The following WDR1 variants were observed in gnomAD, a reference collection of about 807,000 sequenced individuals.
WDR1 encodes the protein WD repeat-containing protein 1.
In WDR1, 21 loss-of-function variants were observed where a neutral mutation model predicts 71.9. The ratio of observed to expected loss-of-function variants is 0.29; its 90% CI spans 0.21 to 0.42. The LOEUF (loss-of-function observed/expected upper bound fraction) is 0.42, where lower values mean the gene tolerates loss of function less well. Ranked by LOEUF, WDR1 falls within the 10% of genes least tolerant of loss-of-function variation. WDR1 has a pLI of 1.00. For synonymous variants in WDR1, 424 were observed against 347.4 expected, an observed-to-expected ratio of 1.22 and a Z score of -2.45; for missense variants, 696 against 824.5, an observed-to-expected ratio of 0.84 and a Z score of 1.91.
chr4:10,111,854 C>A (rs1577080439), intron 2 of WDR1, among the ~76,000 whole-genome samples: 1 of 146,528 alleles, frequency 6.8e-6, no homozygotes, highest in African/African-American at 2.5e-5. Flanking sequence ...GATACTGCGC[C>A]TGGGTTCCCA....
chr4:10,112,924 C>T (rs572374903), intron 2 of WDR1, among the ~76,000 whole-genome samples: 2 of 152,232 alleles, frequency 1.3e-5, no homozygotes, highest in Non-Finnish European at 2.9e-5. Flanking sequence ...TACCTATGTA[C>T]ACTTGTAGGC....
Position 10,084,484 on chromosome 4 carries a change from C to A in WDR1, c.998G>T (p.Gly333Val), listed in dbSNP as rs1429162079. The change falls in exon 9 of 15, where the codon GGC becomes GTC. Residue 333 changes from glycine to valine, a missense_variant. Coordinates refer to ENST00000499869, the MANE Select transcript of WDR1 (RefSeq NM_017491.5). ...IQCLTVHKNG[G>V]KSYIYSGSHD... is the part of the protein sequence containing the mutation. ...GCTCCCAGAGTAAATGTAGGACTTG[C>A]CGCCGTTTTTATGCACCGTCAGACA... The A allele has an allele frequency of 6.2e-7, 1 of 1,613,926 alleles. No homozygotes were observed. Among genetic ancestry groups the A allele is most frequent in the East Asian group, 2.2e-5 (1 of 44,880 alleles).
At chr4:10,116,601 G>A in intron 1 of WDR1, 50 bp downstream of exon 1, 2 of 1,176,996 alleles carry the variant, frequency 1.7e-6, no homozygotes, top group Non-Finnish European at 2.1e-6. Flanking sequence ...CGGGGACCGG[G>A]GCCGGGGCAG....
intron 5 of WDR1, among the ~76,000 whole-genome samples, chr4:10,094,366 C>A (rs898561222): frequency 6.6e-6 from 1 of 152,206 alleles, no homozygotes; most frequent in Admixed American, 6.5e-5. Context: ...GCCAGAGAGG[C>A]AAAGAACCTG....
intron 2 of WDR1, among the ~76,000 whole-genome samples, chr4:10,111,451 G>A (rs1713358130): frequency 6.6e-6 from 1 of 152,188 alleles, no homozygotes; most frequent in African/African-American, 2.4e-5. Flanking sequence ...AGGCCTAGAG[G>A]TTCCTGGCTC....
chr4:10,088,137 T>C (rs941735080), intron 7 of WDR1, 156 bp downstream of exon 7: 7 of 904,744 alleles, frequency 7.7e-6, no homozygotes, highest in African/African-American at 1.7e-5. Context: ...ATCACCTTAT[T>C]GCGACCTTAA....
intron 11 of WDR1, among the ~76,000 whole-genome samples, chr4:10,080,770 G>A (rs935672801): frequency 6.6e-6 from 1 of 152,260 alleles, no homozygotes; most frequent in African/African-American, 2.4e-5. Flanking sequence ...TGGCCCCACT[G>A]TCTGGGGTTA....
At chr4:10,108,637 T>A (rs188002848) in intron 2 of WDR1, among the ~76,000 whole-genome samples, 2 of 152,314 alleles carry the variant, frequency 1.3e-5, no homozygotes, top group African/African-American at 4.8e-5. Flanking sequence ...CCTGTGCAAA[T>A]ATAACTGGCC....
intron 5 of WDR1, among the ~76,000 whole-genome samples, chr4:10,090,077 T>G (rs1711871949): frequency 6.6e-6 from 1 of 152,134 alleles, no homozygotes; most frequent in Admixed American, 6.5e-5. Context: ...TCACAAAAAG[T>G]AACCCCCAGG....
Position 10,087,693 on chromosome 4 carries a change from A to T in WDR1, c.951+14T>A. The T allele has an allele frequency of 1.3e-6, 2 of 1,567,492 alleles. No homozygotes were observed. The highest frequency in any genetic ancestry group is 1.7e-6 in the Non-Finnish European group (2 of 1,154,556). On this transcript the variant is annotated intron_variant, in intron 8 of 14. Transcript: ENST00000499869. ...CCACCCAGCGGGCAGAGCCTTCCCC[A>T]GGGCAGGCCTTACCTTGATGACGTG...
intron 9 of WDR1, chr4:10,083,694 C>T: frequency 2.2e-6 from 1 of 461,300 alleles, no homozygotes; most frequent in South Asian, 1.5e-5. Context: ...CAGGTGCCAT[C>T]ATCAGCAACG....
intron 5 of WDR1, among the ~76,000 whole-genome samples, chr4:10,091,277 C>T (rs1202118422): frequency 6.6e-6 from 1 of 152,220 alleles, no homozygotes; most frequent in Non-Finnish European, 1.5e-5. Flanking sequence ...TAAGGCTGGT[C>T]TTCTTTGCTT....
Position 10,116,205 on chromosome 4 carries a change from C to G in WDR1, c.46G>C (p.Glu16Gln). ...KKVFASLPQV[E>Q]RGVSKIIGGD... is the part of the protein sequence containing the mutation. ...CCGATGATCTTGGAGACGCCCCTCTCCACCTGCGGGAGGCTGGCGAACACC... is the reference window on the plus strand; with the variant it reads ...CCGATGATCTTGGAGACGCCCCTCTGCACCTGCGGGAGGCTGGCGAACACC... The change falls in exon 2 of 15, where the codon GAG (glutamate) becomes CAG (glutamine). Residue 16 changes from glutamate to glutamine, a missense_variant. By Grantham distance (29) the Glu-to-Gln change is conservative. Coordinates refer to ENST00000499869, the MANE Select transcript of WDR1 (RefSeq NM_017491.5). 6.2e-7 allele frequency: 1 copy of G among 1,613,758 alleles called. No homozygotes were observed. The highest frequency in any genetic ancestry group is 8.5e-7 in the Non-Finnish European group (1 of 1,179,830).
intron 8 of WDR1, among the ~76,000 whole-genome samples, chr4:10,085,137 G>A (rs1158100363): frequency 6.6e-6 from 1 of 152,232 alleles, no homozygotes; most frequent in African/African-American, 2.4e-5. Flanking sequence ...GCTTCCAGAG[G>A]GCGGCGTTTA....
chr4:10,094,034 C>A (rs951637949), intron 5 of WDR1, among the ~76,000 whole-genome samples: 1 of 152,220 alleles, frequency 6.6e-6, no homozygotes, highest in Non-Finnish European at 1.5e-5. Flanking sequence ...GTATGAGGTC[C>A]CCGCAGGGCA....
intron 2 of WDR1, among the ~76,000 whole-genome samples, chr4:10,113,509 G>A (rs1713518841): frequency 6.6e-6 from 1 of 152,242 alleles, no homozygotes; most frequent in African/African-American, 2.4e-5. Flanking sequence ...CTGGAGCCGA[G>A]GCCACGGTAA....
Position 10,114,398 on chromosome 4 carries a change from C to A in WDR1, c.138+1715G>T, listed in dbSNP as rs147307422. 1.4e-4 allele frequency among the ~76,000 whole-genome samples: 22 copies of A among 152,336 alleles called. No individual in the cohort carries two copies. In the East Asian group the frequency reaches 4.0e-3, roughly 28 times the overall value. On this transcript the variant is annotated intron_variant, in intron 2 of 14. Transcript: ENST00000499869. ...AGCTCCAGTTACTGGCCTGCCTCAC[C>A]TTGCTAAGTCTGACTCCTCTTTAGA...
intron 2 of WDR1, among the ~76,000 whole-genome samples, chr4:10,104,672 A>G (rs1208714750): frequency 6.6e-6 from 1 of 152,192 alleles, no homozygotes; most frequent in African/African-American, 2.4e-5. Context: ...CCCTCCCGGC[A>G]TACACACACA....
intron 12 of WDR1, chr4:10,078,530 T>G: frequency 4.9e-6 from 1 of 205,138 alleles, no homozygotes; most frequent in Non-Finnish European, 9.9e-6. Context: ...GGGGATGCCA[T>G]TCCTTGATTT....
Sources: allele counts gnomAD v4.1 joint callset (sites outside exome capture counted in the v4.1 genomes callset), GRCh38; gene constraint gnomAD v4.1.1; transcripts MANE v1.5; gene names NCBI Gene and HGNC (gene_info 2026-07-23, HGNC 2026-07-21).